The following FAM90A13 variants were observed in gnomAD, a reference collection of about 807,000 sequenced individuals.
FAM90A13 encodes the protein family with sequence similarity 90 member A13, also known as protein FAM90A13.
the FAM90A13 span, chr8:7,280,362 G>C: frequency 3.2e-5 from 5 of 154,932 alleles, 2 homozygotes; most frequent in Non-Finnish European, 4.3e-5. Context: ...CTCACTCACT[G>C]ACATCACTTC....
At chr8:7,280,599 A>AG in the FAM90A13 span, 1 of 443,626 alleles carries the variant, frequency 2.3e-6, no homozygotes, top group Non-Finnish European at 3.7e-6. Context: ...GAGCAGTGGG[A>AG]GGGGTTTTCA....
the FAM90A13 span, chr8:7,280,490 AG>A: frequency 4.9e-6 from 2 of 407,168 alleles, no homozygotes; most frequent in Non-Finnish European, 4.1e-6. Context: ...TTGGGGAAAA[AG>A]GAAGGGAAGG....
Sources: allele counts gnomAD v4.1 joint callset, GRCh38; gene constraint gnomAD v4.1.1; transcripts MANE v1.5; gene names NCBI Gene and HGNC (gene_info 2026-07-23, HGNC 2026-07-21).